The following C7 variants were observed in gnomAD, a reference collection of about 807,000 sequenced individuals.
The protein encoded by C7 is complement component C7.
A neutral mutation model predicts 104.8 loss-of-function variants in C7; 83 were observed. The observed-to-expected ratio is 0.79, with a 90% confidence interval of 0.66 to 0.95. The LOEUF (loss-of-function observed/expected upper bound fraction) is 0.95, where lower values mean the gene tolerates loss of function less well. Among genes scored for constraint, C7 ranks in the 40% least tolerant of loss-of-function variants. The probability of loss-of-function intolerance (pLI) is 0.00; values close to 1 mark genes in which losing one functional copy is unlikely to be tolerated. For missense variants in C7, 1,070 were observed against 1,011.2 expected, an observed-to-expected ratio of 1.06 and a Z score of -0.79; for synonymous variants, 415 against 360.6, an observed-to-expected ratio of 1.15 and a Z score of -1.71.
chr5:40,953,384 T>C (rs1740218184), intron 9 of C7, among the ~76,000 whole-genome samples: 1 of 152,124 alleles, frequency 6.6e-6, no homozygotes, highest in Non-Finnish European at 1.5e-5. Context: ...GGCTCAGGCC[T>C]GTAATCCCAG....
chr5:40,931,552 A>G (rs1228864686), intron 3 of C7, among the ~76,000 whole-genome samples: 1 of 151,280 alleles, frequency 6.6e-6, no homozygotes, highest in Non-Finnish European at 1.5e-5. Flanking sequence ...TGGCTGCTTG[A>G]TTTTACTTCA....
At chr5:40,950,539 G>C (rs1740146573) in intron 9 of C7, among the ~76,000 whole-genome samples, 1 of 152,068 alleles carries the variant, frequency 6.6e-6, no homozygotes, top group Non-Finnish European at 1.5e-5. Context: ...GTTAATTCTT[G>C]ATCTCCAAAG....
At position 40,972,708 on chromosome 5, in the gene C7, G is replaced by A. The variant is rs75193192; in HGVS notation, c.2074+114G>A. ...GCTGTGAGTCATTCCCTCCATTCTTGCTCCTTAAGATAGGGTCAGTTTGTA... is the reference window on the plus strand; with the variant it reads ...GCTGTGAGTCATTCCCTCCATTCTTACTCCTTAAGATAGGGTCAGTTTGTA... On this transcript the variant is annotated intron_variant, in intron 15 of 17. Transcript: ENST00000313164. 2.0e-4 allele frequency: 158 copies of A among 803,048 alleles called. No homozygotes were observed. In the East Asian group the frequency reaches 3.8e-3, roughly 20 times the overall value. 49.7% of individuals were successfully genotyped at this position (803,048 alleles called of 1,614,324 possible). A position where few individuals can be genotyped will look rare whatever the true frequency, so the allele number is the denominator to read the frequency against.
chr5:40,925,981 C>T (rs1320712916), intron 1 of C7, among the ~76,000 whole-genome samples: 2 of 152,180 alleles, frequency 1.3e-5, no homozygotes, highest in East Asian at 3.8e-4. Context: ...TGCCAACATT[C>T]TTGATGAACA....
At chr5:40,967,170 A>G (rs780108642) in intron 14 of C7, among the ~76,000 whole-genome samples, 2 of 151,012 alleles carry the variant, frequency 1.3e-5, no homozygotes, top group Non-Finnish European at 2.9e-5. Flanking sequence ...GGTTCAAGCG[A>G]TTCTCCTATC....
intron 15 of C7, among the ~76,000 whole-genome samples, chr5:40,973,346 CACTT>C (rs1740741132): frequency 6.6e-6 from 1 of 151,386 alleles, no homozygotes; most frequent in African/African-American, 2.5e-5. Context: ...AAGAAAAACT[CACTT>C]GCATACTATT....
chr5:40,964,020 CTTTTTTTTTTTTTTTT>C (rs869250524), intron 13 of C7, among the ~76,000 whole-genome samples: 2 of 39,864 alleles, frequency 5.0e-5, no homozygotes, highest in Non-Finnish European at 1.2e-4. Context: ...GCTCATAATA[CTTTTTTTTTTTTTTTT>C]TTTTTTTTTT....
chr5:40,972,334 A>G (rs552066347), intron 14 of C7, 69 bp from the exon 15 acceptor site: 41 of 1,318,872 alleles, frequency 3.1e-5, no homozygotes, highest in African/African-American at 4.3e-5. Context: ...TCTGCATCAC[A>G]TAAGACTTTT....
intron 14 of C7, 126 bp downstream of exon 14, chr5:40,964,999 C>A: frequency 9.0e-7 from 1 of 1,107,758 alleles, no homozygotes; most frequent in Non-Finnish European, 1.3e-6. Context: ...CTGACATGAT[C>A]CTGTTCAAGT....
chr5:40,967,284 T>A (rs984069265), intron 14 of C7, among the ~76,000 whole-genome samples: 1 of 152,188 alleles, frequency 6.6e-6, no homozygotes, highest in African/African-American at 2.4e-5. Flanking sequence ...CAGGATGGTC[T>A]CCATCTCTTG....
chr5:40,969,483 G>A (rs777800926), intron 14 of C7, among the ~76,000 whole-genome samples: 1 of 152,088 alleles, frequency 6.6e-6, no homozygotes, highest in African/African-American at 2.4e-5. Context: ...CAGACTTTAC[G>A]TATGAAAATT....
chr5:40,962,338 G>A (rs935096848), intron 13 of C7, among the ~76,000 whole-genome samples, 166 bp downstream of exon 13: 2 of 151,700 alleles, frequency 1.3e-5, no homozygotes, highest in Admixed American at 6.6e-5. Context: ...TTTTTTCTTT[G>A]GCCCAAGGTG....
chr5:40,909,901 A>C (rs568542395), intron 1 of C7, among the ~76,000 whole-genome samples: 1 of 150,614 alleles, frequency 6.6e-6, no homozygotes, highest in Non-Finnish European at 1.5e-5. Flanking sequence ...AATGTTTATG[A>C]AAGTCCCGAT....
intron 13 of C7, among the ~76,000 whole-genome samples, chr5:40,962,924 C>T (rs1227524772): frequency 2.0e-5 from 3 of 152,066 alleles, no homozygotes; most frequent in African/African-American, 7.2e-5. Flanking sequence ...TACTGTTTCC[C>T]CAAATGTAGG....
At chr5:40,910,325 A>T (rs774445568) in intron 1 of C7, among the ~76,000 whole-genome samples, 1 of 152,224 alleles carries the variant, frequency 6.6e-6, no homozygotes, top group African/African-American at 2.4e-5. Context: ...AAATTTTATT[A>T]TTGTAAATTT....
intron 13 of C7, 61 bp downstream of exon 13, chr5:40,962,233 C>A (rs1296350042): frequency 3.1e-6 from 3 of 966,798 alleles, no homozygotes; most frequent in South Asian, 2.0e-5. Flanking sequence ...CTCTGCTGAG[C>A]CCATAACCTA....
intron 14 of C7, among the ~76,000 whole-genome samples, chr5:40,971,416 C>T (rs1449356096): frequency 6.6e-6 from 1 of 152,086 alleles, no homozygotes; most frequent in Non-Finnish European, 1.5e-5. Context: ...ATCCTTTGCC[C>T]ACTTTTTGAT....
chr5:40,945,055 A>G (rs1740015677), intron 6 of C7, 143 bp from the exon 7 acceptor site: 1 of 553,346 alleles, frequency 1.8e-6, no homozygotes, highest in African/African-American at 2.0e-5. Context: ...TTATAATCAT[A>G]CTGGCCTGGT....
chr5:40,947,979 G>A (rs1740088818), intron 8 of C7, 134 bp downstream of exon 8: 6 of 940,688 alleles, frequency 6.4e-6, no homozygotes, highest in Non-Finnish European at 9.9e-6. Flanking sequence ...ATCTAAAATT[G>A]CAAGAATGTA....
Sources: allele counts gnomAD v4.1 joint callset (sites outside exome capture counted in the v4.1 genomes callset), GRCh38; gene constraint gnomAD v4.1.1; transcripts MANE v1.5; gene names NCBI Gene and HGNC (gene_info 2026-07-23, HGNC 2026-07-21).